PCDH9: variants seen among roughly 807,000 people sequenced by gnomAD.
PCDH9 encodes the protein protocadherin-9.
PCDH9 carries 24 observed loss-of-function variants against 70.6 expected under a neutral mutation model. The observed-to-expected ratio is 0.34, with a 90% CI of 0.25 to 0.48. The LOEUF is 0.48. PCDH9 is among the 20% of genes least tolerant of loss of function. PCDH9 has a pLI of 0.99. For synonymous variants in PCDH9, 562 were observed against 558.5 expected (o/e 1.01, Z -0.09); for missense variants, 1,281 against 1,503.6 (o/e 0.85, Z 2.45).
intron 2 of PCDH9, among the ~76,000 whole-genome samples, chr13:66,951,336 T>C (rs1486017049): frequency 6.6e-6 from 1 of 152,188 alleles, no homozygotes; most frequent in East Asian, 1.9e-4. Flanking sequence ...TTGAAAGATG[T>C]CTCTGGAAAA....
chr13:66,361,154 G>T (rs1260395647), intron 4 of PCDH9, among the ~76,000 whole-genome samples: 2 of 152,080 alleles, frequency 1.3e-5, no homozygotes, highest in African/African-American at 4.8e-5. Context: ...AAACGGACTG[G>T]ATCTACGGAC....
At chr13:66,767,403 T>A (rs927339867) in intron 3 of PCDH9, among the ~76,000 whole-genome samples, 1 of 152,162 alleles carries the variant, frequency 6.6e-6, no homozygotes, top group Non-Finnish European at 1.5e-5. Context: ...AGAACAAATA[T>A]GAGTCAAGTC....
At chr13:66,780,695 A>G (rs539202301) in intron 3 of PCDH9, among the ~76,000 whole-genome samples, 7 of 152,268 alleles carry the variant, frequency 4.6e-5, no homozygotes, top group South Asian at 2.1e-4. Flanking sequence ...ATGTATATAC[A>G]TATATAAAAA....
intron 4 of PCDH9, among the ~76,000 whole-genome samples, chr13:66,577,806 C>A (rs1199068951): frequency 6.6e-6 from 1 of 151,984 alleles, no homozygotes; most frequent in African/African-American, 2.4e-5. Context: ...GATTCAGATG[C>A]TCAGCAAACT....
At chr13:66,316,463 T>C (rs1381763439) in intron 4 of PCDH9, among the ~76,000 whole-genome samples, 3 of 152,166 alleles carry the variant, frequency 2.0e-5, no homozygotes, top group African/African-American at 7.2e-5. Flanking sequence ...CCTGCAGAGC[T>C]TTCTAATCTC....
At chr13:66,504,202 A>C (rs1017269359) in intron 4 of PCDH9, among the ~76,000 whole-genome samples, 1 of 152,204 alleles carries the variant, frequency 6.6e-6, no homozygotes, top group African/African-American at 2.4e-5. Flanking sequence ...AAAAACGTCT[A>C]CTGAACCCAC....
At chr13:66,999,069 A>C (rs2084183046) in intron 2 of PCDH9, among the ~76,000 whole-genome samples, 1 of 152,176 alleles carries the variant, frequency 6.6e-6, no homozygotes, top group South Asian at 2.1e-4. Flanking sequence ...TTCCCTAGCC[A>C]ATCATCCTTT....
At chr13:66,778,310 T>A (rs1318487447) in intron 3 of PCDH9, among the ~76,000 whole-genome samples, 2 of 152,078 alleles carry the variant, frequency 1.3e-5, no homozygotes, top group Non-Finnish European at 2.9e-5. Flanking sequence ...TACTCTCTGC[T>A]CTTTAATCTT....
chr13:66,557,603 C>T (rs1399409051), intron 4 of PCDH9, among the ~76,000 whole-genome samples: 1 of 152,108 alleles, frequency 6.6e-6, no homozygotes, highest in Admixed American at 6.5e-5. Context: ...GCCCTCTGTA[C>T]TGGTTACAAC....
intron 2 of PCDH9, among the ~76,000 whole-genome samples, chr13:67,182,567 C>G (rs1295625412): frequency 6.6e-6 from 1 of 152,078 alleles, no homozygotes; most frequent in Non-Finnish European, 1.5e-5. Context: ...AATCATAGGT[C>G]AGATTAAGGT....
intron 3 of PCDH9, among the ~76,000 whole-genome samples, chr13:66,664,500 A>C (rs1015446680): frequency 6.6e-6 from 1 of 152,138 alleles, no homozygotes; most frequent in Non-Finnish European, 1.5e-5. Flanking sequence ...AACATGAATA[A>C]GAATTAAGGA....
intron 2 of PCDH9, among the ~76,000 whole-genome samples, chr13:66,988,290 T>C (rs1483028252): frequency 1.3e-5 from 2 of 152,082 alleles, no homozygotes; most frequent in African/African-American, 4.8e-5. Context: ...CCTTGTATTT[T>C]ACAGGTAATC....
intron 4 of PCDH9, among the ~76,000 whole-genome samples, chr13:66,630,117 A>G (rs1251140548): frequency 6.6e-6 from 1 of 152,232 alleles, no homozygotes; most frequent in Non-Finnish European, 1.5e-5. Flanking sequence ...AGTTTGGAGC[A>G]TGTTTAAGAT....
intron 3 of PCDH9, among the ~76,000 whole-genome samples, chr13:66,655,358 C>T (rs2077914946): frequency 6.6e-6 from 1 of 151,804 alleles, no homozygotes. Context: ...TTTATTCTCA[C>T]ATGGGAAAAT....
At chr13:67,019,367 T>C (rs902590603) in intron 2 of PCDH9, among the ~76,000 whole-genome samples, 2 of 151,630 alleles carry the variant, frequency 1.3e-5, no homozygotes, top group Non-Finnish European at 2.9e-5. Flanking sequence ...CTGATTTTTT[T>C]TGTGTATTTA....
At chr13:66,780,522 T>C (rs2079981259) in intron 3 of PCDH9, among the ~76,000 whole-genome samples, 1 of 152,156 alleles carries the variant, frequency 6.6e-6, no homozygotes, top group South Asian at 2.1e-4. Context: ...TTCTTTCAGA[T>C]TCCCATGTGG....
chr13:66,987,273 A>AGTGTTT (rs2083911402), intron 2 of PCDH9, among the ~76,000 whole-genome samples: 2 of 152,040 alleles, frequency 1.3e-5, no homozygotes, highest in Non-Finnish European at 2.9e-5. Context: ...TTCAAGGCTA[A>AGTGTTT]ATAAACACTG....
chr13:66,495,642 G>C (rs1172935369), intron 4 of PCDH9, among the ~76,000 whole-genome samples: 1 of 152,058 alleles, frequency 6.6e-6, no homozygotes, highest in Non-Finnish European at 1.5e-5. Flanking sequence ...TTCAACTAGA[G>C]CATTCTAAAA....
chr13:66,744,215 A>G (rs2079320393), intron 3 of PCDH9, among the ~76,000 whole-genome samples: 1 of 152,308 alleles, frequency 6.6e-6, no homozygotes, highest in Non-Finnish European at 1.5e-5. Flanking sequence ...TGTATTTATT[A>G]TTTTGTATTA....
Sources: allele counts gnomAD v4.1 joint callset (sites outside exome capture counted in the v4.1 genomes callset), GRCh38; gene constraint gnomAD v4.1.1; transcripts MANE v1.5; gene names NCBI Gene and HGNC (gene_info 2026-07-23, HGNC 2026-07-21).